Variants in UPK1A observed in about 807,000 individuals in gnomAD.
The protein encoded by UPK1A is uroplakin-1a.
UPK1A carries 31 observed loss-of-function variants against 32.3 expected under a neutral mutation model. That is an observed-to-expected ratio of 0.96 (90% confidence interval 0.72 to 1.30). UPK1A has a LOEUF of 1.30. UPK1A is among the 50% of genes most tolerant of loss of function. UPK1A has a pLI of 0.00. For synonymous variants in UPK1A, 135 were observed against 137.1 expected (o/e 0.98, Z 0.11); for missense variants, 340 against 357.4 (o/e 0.95, Z 0.39).
At chr19:35,669,939 G>T (rs1295626936) in intron 3 of UPK1A, among the ~76,000 whole-genome samples, 1 of 152,188 alleles carries the variant, frequency 6.6e-6, no homozygotes, top group Non-Finnish European at 1.5e-5. Context: ...TACATGCTGA[G>T]CCCTACGCTG....
chr19:35,670,309 C>G (rs1968066581), intron 3 of UPK1A, among the ~76,000 whole-genome samples: 1 of 152,012 alleles, frequency 6.6e-6, no homozygotes, highest in Admixed American at 6.6e-5. Flanking sequence ...GGAGGGAAGG[C>G]AGGTGTTGTG....
chr19:35,673,552 G>A lies in UPK1A; in HGVS notation c.468+7G>A. ...GGACCGCGTCATGATTGAGGTGGGC[G>A]GGGTGGACCGGGTGCTGGGAGGGCC... is the stretch of plus-strand genomic sequence containing the variant. On this transcript the variant is annotated splice_region_variant and intron_variant, in intron 5 of 7. Coordinates refer to ENST00000617999, the Ensembl canonical transcript of UPK1A. 2 of 1,612,362 alleles carry A rather than the reference G, an allele frequency of 1.2e-6. No individual in the cohort carries two copies. Among genetic ancestry groups the A allele is most frequent in the Non-Finnish European group, 1.7e-6 (2 of 1,179,458 alleles).
intron 3 of UPK1A, among the ~76,000 whole-genome samples, chr19:35,672,830 T>A (rs1314807732): frequency 6.6e-6 from 1 of 152,148 alleles, no homozygotes; most frequent in Non-Finnish European, 1.5e-5. Flanking sequence ...TCTTCCCATC[T>A]CAGCCTCCCA....
intron 2 of UPK1A, among the ~76,000 whole-genome samples, chr19:35,667,700 G>A (rs1056341234): frequency 1.3e-5 from 2 of 151,886 alleles, no homozygotes; most frequent in East Asian, 3.9e-4. Context: ...CACCATGTTG[G>A]CCAGGCTGGT....
chr19:35,675,778 C>T, intron 5 of UPK1A, 62 bp from the exon 6 acceptor site: 1 of 1,534,738 alleles, frequency 6.5e-7, no homozygotes, highest in Non-Finnish European at 8.8e-7. Flanking sequence ...GCTGTGTGAC[C>T]TCAGGCAAGC....
Position 35,677,912 on chromosome 19 carries a change from C to A in UPK1A, c.732+17C>A. The A allele has an allele frequency of 6.2e-7, 1 of 1,608,322 alleles. No homozygotes were observed. The highest frequency in any genetic ancestry group is 8.5e-7 in the Non-Finnish European group (1 of 1,178,354). On this transcript the variant is annotated intron_variant, in intron 7 of 7. Transcript: ENST00000617999. ...ATGTGGACGGTGAGAGGCGGGGAGC[C>A]CACAGGCTGGGTGGGCTGGGGGTGG...
At chr19:35,673,272 C>T (rs1968129870) in exon 4 of UPK1A, 1 of 1,613,974 alleles carries the variant, frequency 6.2e-7, no homozygotes, top group African/African-American at 1.3e-5. Context: ...TTCGAGTGCG[C>T]CTCCTGCATC....
chr19:35,668,477 T>G, exon 3 of UPK1A: 2 of 1,614,188 alleles, frequency 1.2e-6, no homozygotes, highest in Non-Finnish European at 1.7e-6. Flanking sequence ...CCCTGTTTGC[T>G]GAGACCATAT....
At chr19:35,667,784 G>A (rs763744903) in intron 2 of UPK1A, among the ~76,000 whole-genome samples, 13 of 151,432 alleles carry the variant, frequency 8.6e-5, no homozygotes, top group Non-Finnish European at 1.6e-4. Context: ...GTAAGCCACC[G>A]CGACTGGCCG....
At chr19:35,668,747 G>C in intron 3 of UPK1A, 93 bp downstream of exon 3, 1 of 1,373,020 alleles carries the variant, frequency 7.3e-7, no homozygotes, top group South Asian at 1.4e-5. Flanking sequence ...CCACTAGTGT[G>C]AGTTCCCCAT....
At chr19:35,675,266 T>C (rs1009750011) in intron 5 of UPK1A, among the ~76,000 whole-genome samples, 5 of 152,118 alleles carry the variant, frequency 3.3e-5, no homozygotes, top group Admixed American at 1.3e-4. Flanking sequence ...AGCATAGTTG[T>C]TGATAAAAAT....
chr19:35,666,539 G>C lies in UPK1A; in HGVS notation c.-5+1G>C. The C allele has an allele frequency of 2.1e-6, 1 of 473,034 alleles. No individual in the cohort carries two copies. The highest frequency in any genetic ancestry group is 6.1e-4 in the Middle Eastern group (1 of 1,652). The allele number at this position is 473,034 out of a possible 1,614,324, so 29.3% of individuals were successfully genotyped here. On this transcript the variant is annotated splice_donor_variant, in intron 1 of 7. Transcript: ENST00000617999. LOFTEE classifies it low-confidence loss of function (5UTR_SPLICE). ...GCCAGAGAGGCTGCAGACAGAGAAG[G>C]TGAGGAGGGGGCCCTGGGAGTCTGG...
At chr19:35,666,574 G>T in intron 1 of UPK1A, 36 bp downstream of exon 1, 1 of 540,928 alleles carries the variant, frequency 1.8e-6, no homozygotes, top group East Asian at 3.2e-5. Context: ...GGTATGGCAT[G>T]AGGGGTCTGA....
chr19:35,666,733 C>A, intron 1 of UPK1A, 76 bp from the exon 2 acceptor site: 2 of 1,469,386 alleles, frequency 1.4e-6, no homozygotes, highest in South Asian at 1.2e-5. Context: ...CCCCTCGAAG[C>A]CAGGGTGTGG....
At chr19:35,677,683 C>A (rs1439422076) in intron 6 of UPK1A, 129 bp from the exon 7 acceptor site, 5 of 1,185,382 alleles carry the variant, frequency 4.2e-6, no homozygotes, top group Non-Finnish European at 6.0e-6. Flanking sequence ...TGCCATGGTC[C>A]CCATTGCACA....
At chr19:35,676,195 C>CTTTTT in intron 6 of UPK1A, 176 bp downstream of exon 6, 1 of 589,692 alleles carries the variant, frequency 1.7e-6, no homozygotes, top group Non-Finnish European at 2.6e-6. Context: ...TTCTTTCTTT[C>CTTTTT]TTTTTTTTTT....
rs752515561 is a variant in UPK1A, at chr19:35,673,532, G to A, written c.455G>A (p.Arg152His). The A allele has an allele frequency of 1.1e-5, 18 of 1,613,344 alleles. No individual in the cohort carries two copies. In the South Asian group the frequency reaches 1.3e-4, roughly 12 times the overall value. ...CAGGAGCTGACCCGCCTCTGGGACCGCGTCATGATTGAGGTGGGCGGGGTG... is the reference window on the plus strand; with the variant it reads ...CAGGAGCTGACCCGCCTCTGGGACCACGTCATGATTGAGGTGGGCGGGGTG... The change falls in exon 5 of 8, where the codon CGC becomes CAC. Residue 152 changes from arginine to histidine, a missense_variant. Physicochemically the swap from Arg to His is conservative, Grantham distance 29 (BLOSUM62 0). Coordinates refer to ENST00000617999, the Ensembl canonical transcript of UPK1A.
chr19:35,667,043 C>G, intron 2 of UPK1A, 147 bp downstream of exon 2: 1 of 715,140 alleles, frequency 1.4e-6, no homozygotes, highest in South Asian at 1.7e-5. Context: ...CCAGCTCTGC[C>G]TCTCCCCAGC....
chr19:35,676,044 C>T lies in UPK1A; in HGVS notation c.648+25C>T, dbSNP rs767964262. 1.9e-6 allele frequency: 3 copies of T among 1,601,708 alleles called. No homozygotes were observed. In the South Asian group the frequency reaches 3.4e-5, roughly 18 times the overall value. On this transcript the variant is annotated intron_variant, in intron 6 of 7. Coordinates refer to ENST00000617999, the Ensembl canonical transcript of UPK1A. ...GGTGTGGCCGTCTGCCCTGCTCCATCTGTCTATCCATCTGTCTGTCTTCCT... is the reference window on the plus strand; with the variant it reads ...GGTGTGGCCGTCTGCCCTGCTCCATTTGTCTATCCATCTGTCTGTCTTCCT...
Sources: allele counts gnomAD v4.1 joint callset (sites outside exome capture counted in the v4.1 genomes callset), GRCh38; gene constraint gnomAD v4.1.1; transcripts MANE v1.5; gene names NCBI Gene and HGNC (gene_info 2026-07-23, HGNC 2026-07-21).